CHP1: variants seen among roughly 807,000 people sequenced by gnomAD.
CHP1 encodes calcineurin B homologous protein 1.
In CHP1, 11 loss-of-function variants were observed where a neutral mutation model predicts 27.4. That is an observed-to-expected ratio of 0.40 (90% CI 0.25 to 0.67). The LOEUF is 0.67. Among genes scored for constraint, CHP1 ranks in the 30% least tolerant of loss-of-function variants. The pLI is 0.38. For synonymous variants in CHP1, 89 were observed against 87.4 expected (o/e 1.02, Z -0.10); for missense variants, 169 against 251.3 (o/e 0.67, Z 2.22).
intron 1 of CHP1, among the ~76,000 whole-genome samples, chr15:41,232,584 C>T (rs2047256453): frequency 6.6e-6 from 1 of 152,048 alleles, no homozygotes; most frequent in African/African-American, 2.4e-5. Context: ...ACTCGGGATT[C>T]TGAAGCGCTG....
intron 1 of CHP1, among the ~76,000 whole-genome samples, chr15:41,231,737 C>T (rs2047244777): frequency 6.6e-6 from 1 of 152,124 alleles, no homozygotes. Context: ...AGTCCCCGAA[C>T]TCCTTTCCTT....
intron 4 of CHP1, among the ~76,000 whole-genome samples, chr15:41,269,974 C>G (rs1462191338): frequency 6.6e-6 from 1 of 152,124 alleles, no homozygotes; most frequent in East Asian, 1.9e-4. Context: ...CAAAGTTCTC[C>G]TATCTCCTAG....
chr15:41,277,327 T>C (rs2047524028), intron 5 of CHP1, among the ~76,000 whole-genome samples: 1 of 152,180 alleles, frequency 6.6e-6, no homozygotes, highest in Non-Finnish European at 1.5e-5. Flanking sequence ...AGTTGTAACA[T>C]AATGGTAAGT....
intron 1 of CHP1, among the ~76,000 whole-genome samples, chr15:41,242,360 C>T (rs1368338512): frequency 1.3e-5 from 2 of 152,158 alleles, no homozygotes; most frequent in Non-Finnish European, 2.9e-5. Context: ...ATTGTACACC[C>T]AACACCTACC....
At chr15:41,255,347 C>T (rs1390227967) in intron 2 of CHP1, among the ~76,000 whole-genome samples, 1 of 152,064 alleles carries the variant, frequency 6.6e-6, no homozygotes, top group Non-Finnish European at 1.5e-5. Flanking sequence ...GCCCAGGAAC[C>T]AACAAAAGAA....
chr15:41,270,587 A>G lies in CHP1; in HGVS notation c.380A>G (p.Asp127Gly). The G allele has an allele frequency of 1.2e-6, 2 of 1,614,050 alleles. No homozygotes were observed. The highest frequency in any genetic ancestry group is 1.7e-6 in the Non-Finnish European group (2 of 1,179,938). ...TTTCGACTATATGATTTGGATAAAG[A>G]TGAAAAGATCTCCCGTGATGAGCTG... ...FAFRLYDLDK[D>G]EKISRDELLQ... The change falls in exon 5 of 7, where the codon GAT becomes GGT. Residue 127 changes from aspartate to glycine, a missense_variant. Physicochemically the swap from Asp to Gly is moderately conservative, Grantham distance 94. Coordinates refer to ENST00000334660, the MANE Select transcript of CHP1 (RefSeq NM_007236.5).
chr15:41,250,433 G>A (rs1213019674), intron 2 of CHP1, among the ~76,000 whole-genome samples: 1 of 152,142 alleles, frequency 6.6e-6, no homozygotes, highest in East Asian at 1.9e-4. Context: ...CAGGCGCAGT[G>A]GCTCATGCCT....
chr15:41,264,105 G>A (rs917611623), intron 4 of CHP1: 1 of 864,306 alleles, frequency 1.2e-6, no homozygotes, highest in Non-Finnish European at 1.7e-6. Flanking sequence ...AAGTATTATG[G>A]TCACATGGCA....
chr15:41,239,941 T>A (rs867701943), intron 1 of CHP1, among the ~76,000 whole-genome samples: 7 of 151,620 alleles, frequency 4.6e-5, no homozygotes, highest in African/African-American at 1.7e-4. Flanking sequence ...CACGCCCGTC[T>A]AATTTTTTGT....
intron 4 of CHP1, among the ~76,000 whole-genome samples, chr15:41,269,262 A>G (rs2047477234): frequency 6.6e-6 from 1 of 152,250 alleles, no homozygotes. Flanking sequence ...AGAAAAAAAA[A>G]TACATATATA....
intron 5 of CHP1, 49 bp downstream of exon 5, chr15:41,270,667 T>C: frequency 7.3e-7 from 1 of 1,375,686 alleles, no homozygotes; most frequent in East Asian, 2.3e-5. Context: ...TGCCTGCTTA[T>C]TAGTGTGGGC....
At chr15:41,274,800 T>G (rs867727323) in intron 5 of CHP1, among the ~76,000 whole-genome samples, 12 of 149,786 alleles carry the variant, frequency 8.0e-5, no homozygotes, top group African/African-American at 2.9e-4. Flanking sequence ...GTTTTTTTTT[T>G]TTTTTTTTGA....
At chr15:41,248,962 C>G (rs551641436) in intron 2 of CHP1, among the ~76,000 whole-genome samples, 1 of 152,090 alleles carries the variant, frequency 6.6e-6, no homozygotes, top group Non-Finnish European at 1.5e-5. Flanking sequence ...AATTGTCTTC[C>G]CCTTCTCTCA....
chr15:41,246,650 TGA>T (rs1407398877), intron 2 of CHP1, among the ~76,000 whole-genome samples: 1 of 126,914 alleles, frequency 7.9e-6, no homozygotes, highest in Non-Finnish European at 1.7e-5. Context: ...TTTTTTTTTT[TGA>T]GAGAGAGTCT....
At chr15:41,239,172 T>G (rs1341940039) in intron 1 of CHP1, among the ~76,000 whole-genome samples, 1 of 152,190 alleles carries the variant, frequency 6.6e-6, no homozygotes, top group African/African-American at 2.4e-5. Context: ...ACAAAATTAC[T>G]TGTAACCATA....
chr15:41,233,286 A>G (rs2140919155), intron 1 of CHP1, among the ~76,000 whole-genome samples: 1 of 152,334 alleles, frequency 6.6e-6, no homozygotes, highest in East Asian at 1.9e-4. Context: ...AGAAATAAAT[A>G]TAGAGTCACA....
chr15:41,262,211 ACT>A (rs761702059), intron 3 of CHP1, among the ~76,000 whole-genome samples: 2 of 152,052 alleles, frequency 1.3e-5, no homozygotes, highest in South Asian at 2.1e-4. Flanking sequence ...GCAGAGCAAG[ACT>A]CTGTCTCAAA....
In CHP1 at chr15:41,273,910, C is replaced by T. The variant is rs557255828; in HGVS notation, c.411+3292C>T. 5.9e-5 allele frequency among the ~76,000 whole-genome samples: 9 copies of T among 151,400 alleles called. No individual in the cohort carries two copies. The South Asian group carries it at 1.7e-3, about 28-fold the overall frequency. On this transcript the variant is annotated intron_variant, in intron 5 of 6. Transcript: ENST00000334660. ...GAGCTGAGATCATGCCACTGCTCTCCAGCCTGGGCGACAGAGCAAAACTCT... is the reference window on the plus strand; with the variant it reads ...GAGCTGAGATCATGCCACTGCTCTCTAGCCTGGGCGACAGAGCAAAACTCT...
rs1482208916 is a variant in CHP1 at position 41,231,418 on chromosome 15, A to G, written c.36A>G (p.Glu12=). ...GGGCCTCCACGTTACTGCGGGACGAAGAGCTCGAGGAGATCAAGAAGGAGA... is the reference window on the plus strand; with the variant it reads ...GGGCCTCCACGTTACTGCGGGACGAGGAGCTCGAGGAGATCAAGAAGGAGA... ...GSRASTLLRD[E]ELEEIKKETG... Residue 12 remains glutamate, a synonymous_variant, in exon 1 of 7, where the codon GAA becomes GAG. Transcript: ENST00000334660. 1.2e-6 allele frequency: 2 copies of G among 1,605,376 alleles called. No homozygotes were observed. The highest frequency in any genetic ancestry group is 2.7e-5 in the African/African-American group (2 of 74,840).
Sources: allele counts gnomAD v4.1 joint callset (sites outside exome capture counted in the v4.1 genomes callset), GRCh38; gene constraint gnomAD v4.1.1; transcripts MANE v1.5; gene names NCBI Gene and HGNC (gene_info 2026-07-23, HGNC 2026-07-21).